Variants in ADGRV1 observed in about 807,000 individuals in gnomAD.
ADGRV1 encodes adhesion G protein-coupled receptor V1.
Under a neutral mutation model 596.2 loss-of-function variants are expected in ADGRV1, and 359 were observed. The observed-to-expected ratio is 0.60, with a 90% CI of 0.55 to 0.66. The LOEUF (loss-of-function observed/expected upper bound fraction) is 0.66, where lower values mean the gene tolerates loss of function less well. ADGRV1 is among the 30% of genes least tolerant of loss of function. The pLI is 0.00. For missense variants in ADGRV1, 7,274 were observed against 7,575.6 expected (o/e 0.96, Z 1.48); for synonymous variants, 2,681 against 2,679.2 (o/e 1.00, Z -0.02).
At chr5:90,970,936 CA>C (rs1778914966) in intron 84 of ADGRV1, among the ~76,000 whole-genome samples, 1 of 152,050 alleles carries the variant, frequency 6.6e-6, no homozygotes, top group Non-Finnish European at 1.5e-5. Flanking sequence ...GAACCCATCG[CA>C]AAGAAGCTAA....
chr5:90,749,391 G>T (rs983951810), intron 52 of ADGRV1, among the ~76,000 whole-genome samples: 2 of 152,114 alleles, frequency 1.3e-5, no homozygotes, highest in African/African-American at 4.8e-5. Flanking sequence ...TTTTAAAAAG[G>T]CATTGTCTTT....
rs1357883094 is a variant in ADGRV1 at position 90,776,539 on chromosome 5, G to C, written c.12490G>C (p.Glu4164Gln). The C allele has an allele frequency of 6.2e-7, 1 of 1,613,348 alleles. No individual in the cohort carries two copies. Among genetic ancestry groups the C allele is most frequent in the South Asian group, 1.1e-5 (1 of 91,072 alleles). Reference protein sequence around the residue: ...APSSRHILIGEPSAKYNGTAI... With the variant: ...APSSRHILIGQPSAKYNGTAI... ...GTCATCTAGGCACATCCTCATTGGG[G>C]AACCCTCAGCAAAATATAATGGTAC... Residue 4164 changes from glutamate (E) to glutamine (Q), a missense_variant, in exon 61 of 90, where the codon GAA (glutamate) becomes CAA (glutamine). By Grantham distance (29) the Glu-to-Gln change is conservative. Transcript: ENST00000405460.
Position 90,808,944 on chromosome 5 carries a change from C to T in ADGRV1, c.14972+1207C>T, listed in dbSNP as rs934569747. ...ATTATAGGGCTTACCCTAGGCCAGG[C>T]ATAAATGTTTTTTTTTTTTTGAGAT... On this transcript the variant is annotated intron_variant, in intron 73 of 89. Transcript: ENST00000405460. Among the ~76,000 whole-genome samples, 15 of 112,268 alleles carry T rather than the reference C, an allele frequency of 1.3e-4. 1 individual carries two copies. In the South Asian group the frequency reaches 5.5e-3, roughly 41 times the overall value. The allele number at this position is 112,268 out of a possible 152,430, so 73.7% of individuals were successfully genotyped here.
chr5:90,894,282 G>C (rs1274706942), intron 83 of ADGRV1, among the ~76,000 whole-genome samples: 1 of 152,116 alleles, frequency 6.6e-6, no homozygotes, highest in African/African-American at 2.4e-5. Context: ...CCAGCTCCAA[G>C]ATCTGTGTTC....
rs2149429894 is a variant in ADGRV1, at chr5:90,642,991, G to A, written c.2503G>A (p.Glu835Lys). The A allele has an allele frequency of 1.9e-6, 3 of 1,613,592 alleles. No individual in the cohort carries two copies. Among genetic ancestry groups the A allele is most frequent in the Non-Finnish European group, 2.5e-6 (3 of 1,179,598 alleles). The part of the protein sequence containing the change: ...NTGVLEFKPG[E>K]REIVITLLAR... ...GGGAGTACTAGAATTTAAACCTGGAGAAAGGGAGATAGTGATCACCTTGCT... is the reference window on the plus strand; with the variant it reads ...GGGAGTACTAGAATTTAAACCTGGAAAAAGGGAGATAGTGATCACCTTGCT... Residue 835 changes from glutamate to lysine, a missense_variant, in exon 13 of 90, where the codon GAA becomes AAA. By Grantham distance (56) the Glu-to-Lys change is moderately conservative (BLOSUM62 1). Coordinates refer to ENST00000405460, the MANE Select transcript of ADGRV1 (RefSeq NM_032119.4).
At chr5:90,614,155 G>GA (rs11286344) in intron 1 of ADGRV1, 12,626 of 258,618 alleles carry the variant, frequency 0.049, 146 homozygotes, top group African/African-American at 0.1. Context: ...ATATCATAGT[G>GA]AAAAAAAAAA....
intron 86 of ADGRV1, among the ~76,000 whole-genome samples, chr5:91,079,468 G>A (rs1789147664): frequency 6.6e-6 from 1 of 152,116 alleles, no homozygotes; most frequent in African/African-American, 2.4e-5. Context: ...GTCATTCAGT[G>A]TTTGTTTTCT....
At chr5:90,756,732 A>G in intron 56 of ADGRV1, 102 bp downstream of exon 56, 1 of 991,594 alleles carries the variant, frequency 1.0e-6, no homozygotes, top group Non-Finnish European at 1.5e-6. Context: ...TTTTAAATAG[A>G]TAAATAACCA....
chr5:90,863,680 C>T, intron 82 of ADGRV1, 77 bp from the exon 83 acceptor site: 1 of 1,087,034 alleles, frequency 9.2e-7, no homozygotes, highest in Non-Finnish European at 1.4e-6. Context: ...CCTAGCTGCC[C>T]CCAAAGATTC....
chr5:91,074,015 GTTAA>G (rs1788623405), intron 86 of ADGRV1, among the ~76,000 whole-genome samples: 1 of 152,114 alleles, frequency 6.6e-6, no homozygotes, highest in Non-Finnish European at 1.5e-5. Flanking sequence ...ATTGTTTAAG[GTTAA>G]TTAATTAATC....
chr5:90,899,273 A>G (rs1771611828), intron 83 of ADGRV1: 1 of 152,206 alleles, frequency 6.6e-6, no homozygotes, highest in African/African-American at 2.4e-5. Flanking sequence ...TTGCTGACAG[A>G]TGAATCACAG....
intron 83 of ADGRV1, among the ~76,000 whole-genome samples, chr5:90,870,367 C>T (rs1768543974): frequency 6.6e-6 from 1 of 152,064 alleles, no homozygotes; most frequent in Non-Finnish European, 1.5e-5. Flanking sequence ...ATAGGTAGAA[C>T]ATTGAAGGAA....
intron 87 of ADGRV1, among the ~76,000 whole-genome samples, chr5:91,103,611 A>T (rs1791587080): frequency 6.6e-6 from 1 of 151,892 alleles, no homozygotes; most frequent in African/African-American, 2.4e-5. Flanking sequence ...TGTTATATGA[A>T]AGATTGTTTT....
chr5:90,820,729 T>C (rs907574766), intron 75 of ADGRV1, among the ~76,000 whole-genome samples: 1 of 151,484 alleles, frequency 6.6e-6, no homozygotes, highest in African/African-American at 2.4e-5. Flanking sequence ...TCTTTAAGAA[T>C]GTTGAATATT....
intron 59 of ADGRV1, among the ~76,000 whole-genome samples, chr5:90,767,180 T>C (rs977176317): frequency 1.3e-5 from 2 of 152,172 alleles, no homozygotes; most frequent in African/African-American, 4.8e-5. Context: ...TAATACACAG[T>C]TAAAGTAAAT....
intron 1 of ADGRV1, among the ~76,000 whole-genome samples, chr5:90,583,661 T>C (rs1758366009): frequency 6.6e-6 from 1 of 152,186 alleles, no homozygotes; most frequent in Admixed American, 6.5e-5. Context: ...AAAAAACATC[T>C]AGGCCTACAA....
intron 85 of ADGRV1, among the ~76,000 whole-genome samples, chr5:91,065,236 C>A (rs956244356): frequency 6.6e-6 from 1 of 152,192 alleles, no homozygotes; most frequent in African/African-American, 2.4e-5. Flanking sequence ...ACAAATGTAT[C>A]TTTTAATGTA....
At chr5:90,625,009 A>G (rs1053563024) in intron 5 of ADGRV1, 121 bp from the exon 6 acceptor site, 2 of 638,234 alleles carry the variant, frequency 3.1e-6, no homozygotes, top group African/African-American at 3.6e-5. Context: ...TGTATGGGTT[A>G]GTGTAATTCT....
intron 76 of ADGRV1, among the ~76,000 whole-genome samples, chr5:90,826,224 A>C (rs1050586152): frequency 2.0e-5 from 3 of 152,234 alleles, no homozygotes; most frequent in African/African-American, 7.2e-5. Flanking sequence ...AATGATATAC[A>C]CAATACATGT....
Sources: allele counts gnomAD v4.1 joint callset (sites outside exome capture counted in the v4.1 genomes callset), GRCh38; gene constraint gnomAD v4.1.1; transcripts MANE v1.5; gene names NCBI Gene and HGNC (gene_info 2026-07-23, HGNC 2026-07-21).